ETFRF1: variants seen among roughly 807,000 people sequenced by gnomAD.
ETFRF1 encodes the protein electron transfer flavoprotein regulatory factor 1.
In ETFRF1, 12 loss-of-function variants were observed where a neutral mutation model predicts 9.0. That is an observed-to-expected ratio of 1.34 (90% CI 0.86 to 2.16). The LOEUF (loss-of-function observed/expected upper bound fraction) is 2.16, where lower values mean the gene tolerates loss of function less well. Ranked by LOEUF, ETFRF1 falls within the 30% of genes most tolerant of loss-of-function variation. ETFRF1 has a pLI of 0.00. For missense variants in ETFRF1, 98 were observed against 101.8 expected (o/e 0.96, Z 0.16); for synonymous variants, 34 against 33.2 (o/e 1.02, Z -0.08).
intron 1 of ETFRF1, 108 bp downstream of exon 1, chr12:25,195,445 G>C: frequency 2.1e-6 from 1 of 465,524 alleles, no homozygotes; most frequent in Non-Finnish European, 3.9e-6. Flanking sequence ...AGAGGGTTCT[G>C]AGCGTCTCCT....
intron 1 of ETFRF1, chr12:25,203,617 G>A (rs566702939): frequency 4.9e-6 from 1 of 203,210 alleles, no homozygotes; most frequent in East Asian, 1.2e-4. Flanking sequence ...TCATTCCACT[G>A]TGGCATAAAA....
In ETFRF1 at chr12:25,205,015, A is replaced by AT. The variant is rs917281310; in HGVS notation, c.*710dup. ...GGAAATAAATAAATAATGTTATCCT[A>AT]TTTTTTTGTCATAAAGGCAGATTTG... On this transcript the variant is annotated 3_prime_UTR_variant, in exon 3 of 3. Transcript: ENST00000381356. The AT allele has an allele frequency of 1.6e-4, 34 of 208,382 alleles. No homozygotes were observed. The highest frequency in any genetic ancestry group is 2.5e-4 in the Non-Finnish European group (26 of 102,074). 12.9% of individuals were successfully genotyped at this position (208,382 alleles called of 1,614,324 possible). A position where few individuals can be genotyped will look rare whatever the true frequency, so the allele number is the denominator to read the frequency against.
At position 25,204,966 on chromosome 12, in the gene ETFRF1, T is replaced by TATCA. The variant is rs779592482; in HGVS notation, c.*657_*660dup. 1.1e-4 allele frequency: 22 copies of TATCA among 204,348 alleles called. No homozygotes were observed. The highest frequency in any genetic ancestry group is 1.7e-4 in the Non-Finnish European group (17 of 99,276). 12.7% of individuals were successfully genotyped at this position (204,348 alleles called of 1,614,324 possible). A position where few individuals can be genotyped will look rare whatever the true frequency, so the allele number is the denominator to read the frequency against. On this transcript the variant is annotated 3_prime_UTR_variant, in exon 3 of 3. Coordinates refer to ENST00000381356, the MANE Select transcript of ETFRF1 (RefSeq NM_001001660.3). ...GCCTAAAACCAAGTCACCTGTTGTG[T>TATCA]ATCAATTACCTTCTTTGATAAAAGG... is the stretch of plus-strand genomic sequence containing the variant.
Position 25,204,258 on chromosome 12 carries a change from G to T in ETFRF1, c.219G>T (p.Arg73Ser), listed in dbSNP as rs1565875667. ...AGCTAGAAGCTTTGTACTTCCTTAG[G>T]AAATACAGAGCTATGAAACAACGCT... is the stretch of plus-strand genomic sequence containing the variant. ...MKELEALYFLRKYRAMKQRYY... is the reference protein window; with the variant it reads ...MKELEALYFLSKYRAMKQRYY... Residue 73 changes from arginine (R) to serine (S), a missense_variant, in exon 3 of 3, where the codon AGG becomes AGT. Transcript: ENST00000381356. 6.2e-7 allele frequency: 1 copy of T among 1,603,584 alleles called. No individual in the cohort carries two copies. Among genetic ancestry groups the T allele is most frequent in the Admixed American group, 1.7e-5 (1 of 57,264 alleles).
At chr12:25,201,507 G>C (rs961922423) in intron 1 of ETFRF1, among the ~76,000 whole-genome samples, 2 of 152,170 alleles carry the variant, frequency 1.3e-5, no homozygotes, top group Non-Finnish European at 2.9e-5. Flanking sequence ...GTAGAGATGG[G>C]GAAGGAGAAG....
intron 1 of ETFRF1, among the ~76,000 whole-genome samples, chr12:25,196,845 A>T (rs1040948124): frequency 6.6e-6 from 1 of 152,222 alleles, no homozygotes; most frequent in African/African-American, 2.4e-5. Context: ...AAATGCTTCA[A>T]GGTCAACTGC....
At chr12:25,202,519 CAG>C (rs1218324183) in intron 1 of ETFRF1, among the ~76,000 whole-genome samples, 5 of 152,024 alleles carry the variant, frequency 3.3e-5, no homozygotes, top group East Asian at 1.9e-4. Flanking sequence ...GAGCCTTACC[CAG>C]GAGGGAGGAA....
Position 25,204,790 on chromosome 12 carries a change from C to A in ETFRF1, c.*478C>A, listed in dbSNP as rs371324761. On this transcript the variant is annotated 3_prime_UTR_variant, in exon 3 of 3. Transcript: ENST00000381356. The stretch of plus-strand genomic sequence containing the variant: ...AGGTTCACTACAAAACAAACAGTTC[C>A]TGGTAATGATTTAAATGTAGTTATA... 51 of 187,154 alleles carry A rather than the reference C, an allele frequency of 2.7e-4. No homozygotes were observed. The highest frequency in any genetic ancestry group is 1.1e-3 in the African/African-American group (49 of 42,784). The allele number at this position is 187,154 out of a possible 1,614,324, so 11.6% of individuals were successfully genotyped here. A position where few individuals can be genotyped will look rare whatever the true frequency, so the allele number is the denominator to read the frequency against.
chr12:25,195,806 A>G lies in ETFRF1; in HGVS notation c.-38+469A>G, dbSNP rs79174295. The G allele has an allele frequency of 7.9e-3, 1,213 of 152,594 alleles. 9 individuals carry two copies. Among genetic ancestry groups the G allele is most frequent in the Non-Finnish European group, 0.013 (917 of 68,228 alleles). The allele number at this position is 152,594 out of a possible 1,614,324, so 9.5% of individuals were successfully genotyped here. On this transcript the variant is annotated intron_variant, in intron 1 of 2. Coordinates refer to ENST00000381356, the MANE Select transcript of ETFRF1 (RefSeq NM_001001660.3). ...TTAACATGAAGATCGCTGAGGCCCC[A>G]AAGACTCATTAGTTTCCCGAGGTCA...
intron 1 of ETFRF1, among the ~76,000 whole-genome samples, chr12:25,197,246 TGGGCAA>T (rs980354675): frequency 1.4e-4 from 21 of 152,106 alleles, no homozygotes; most frequent in African/African-American, 5.1e-4. Context: ...ACATTTTTGC[TGGGCAA>T]GTGTTTTATG....
chr12:25,199,566 A>G (rs1406288222), intron 1 of ETFRF1, among the ~76,000 whole-genome samples: 2 of 151,002 alleles, frequency 1.3e-5, no homozygotes, highest in Non-Finnish European at 3.0e-5. Flanking sequence ...ACTATATACT[A>G]TATAGTATCT....
chr12:25,195,320 G>T lies in ETFRF1; in HGVS notation c.-55G>T. The T allele has an allele frequency of 1.7e-6, 1 of 602,908 alleles. No individual in the cohort carries two copies. Among genetic ancestry groups the T allele is most frequent in the Admixed American group, 2.9e-5 (1 of 34,112 alleles). 37.3% of individuals were successfully genotyped at this position (602,908 alleles called of 1,614,324 possible). A position where few individuals can be genotyped will look rare whatever the true frequency, so the allele number is the denominator to read the frequency against. ...AGTCGTAGCGGTCGAGGCTTTTGCG[G>T]CTCCGGCGTGCCGGAAAGTGCGTGA... On this transcript the variant is annotated 5_prime_UTR_variant, in exon 1 of 3. Coordinates refer to ENST00000381356, the MANE Select transcript of ETFRF1 (RefSeq NM_001001660.3).
chr12:25,198,487 AGAAT>A (rs1951049011), intron 1 of ETFRF1, among the ~76,000 whole-genome samples: 1 of 152,170 alleles, frequency 6.6e-6, no homozygotes, highest in South Asian at 2.1e-4. Context: ...TAGACAGAAA[AGAAT>A]GACCAGACTT....
At chr12:25,200,943 C>G (rs1951069284) in intron 1 of ETFRF1, among the ~76,000 whole-genome samples, 1 of 152,146 alleles carries the variant, frequency 6.6e-6, no homozygotes, top group Non-Finnish European at 1.5e-5. Flanking sequence ...CACTAAGATC[C>G]CTGCTGCCAT....
rs1236310627 is a variant in ETFRF1, at chr12:25,204,016, T to G, written c.51+9T>G. 4.6e-6 allele frequency: 7 copies of G among 1,517,944 alleles called. No homozygotes were observed. The highest frequency in any genetic ancestry group is 6.2e-6 in the Non-Finnish European group (7 of 1,133,048). 94.0% of individuals were successfully genotyped at this position (1,517,944 alleles called of 1,614,324 possible). A position where few individuals can be genotyped will look rare whatever the true frequency, so the allele number is the denominator to read the frequency against. ...TAAAACTTTATAAAAATGTAAGTAATTATGTTGCCAATTTTATAAAAATGT... is the reference window on the plus strand; with the variant it reads ...TAAAACTTTATAAAAATGTAAGTAAGTATGTTGCCAATTTTATAAAAATGT... On this transcript the variant is annotated intron_variant, in intron 2 of 2. Coordinates refer to ENST00000381356, the MANE Select transcript of ETFRF1 (RefSeq NM_001001660.3).
chr12:25,199,608 A>G (rs1192482404), intron 1 of ETFRF1, among the ~76,000 whole-genome samples: 1 of 141,706 alleles, frequency 7.1e-6, no homozygotes, highest in African/African-American at 2.7e-5. Flanking sequence ...ATATATACAT[A>G]TATGTATACA....
At chr12:25,202,307 G>C (rs546043998) in intron 1 of ETFRF1, among the ~76,000 whole-genome samples, 2 of 152,174 alleles carry the variant, frequency 1.3e-5, no homozygotes, top group South Asian at 4.2e-4. Flanking sequence ...GGCTGAGCAA[G>C]GCAGGCATCT....
chr12:25,201,671 C>T (rs1197051667), intron 1 of ETFRF1, among the ~76,000 whole-genome samples: 1 of 152,130 alleles, frequency 6.6e-6, no homozygotes, highest in Non-Finnish European at 1.5e-5. Context: ...AAATGAAATA[C>T]ATGAAGGCAC....
intron 1 of ETFRF1, among the ~76,000 whole-genome samples, chr12:25,201,222 C>G (rs1951071028): frequency 6.6e-6 from 1 of 152,194 alleles, no homozygotes; most frequent in African/African-American, 2.4e-5. Context: ...GGTATCAATT[C>G]TACACTTTGA....
Sources: gnomAD v4.1 joint callset for allele counts (sites outside exome capture counted in the v4.1 genomes callset) on GRCh38, gnomAD v4.1.1 for gene constraint, MANE v1.5 for transcripts, NCBI Gene and HGNC (gene_info 2026-07-23, HGNC 2026-07-21) for gene names.